AKT3: variants seen among roughly 807,000 people sequenced by gnomAD.
AKT3 encodes RAC-gamma serine/threonine-protein kinase.
AKT3 carries 15 observed loss-of-function variants against 65.3 expected under a neutral mutation model. The ratio of observed to expected loss-of-function variants is 0.23; its 90% confidence interval spans 0.15 to 0.35. AKT3 has a LOEUF of 0.35. Among genes scored for constraint, AKT3 ranks in the 10% least tolerant of loss-of-function variants. The pLI is 1.00. For missense variants in AKT3, 243 were observed against 576.5 expected (o/e 0.42, Z 5.92); for synonymous variants, 206 against 183.8 (o/e 1.12, Z -0.98).
intron 8 of AKT3, among the ~76,000 whole-genome samples, chr1:243,579,998 G>T (rs965215500): frequency 6.6e-6 from 1 of 152,102 alleles, no homozygotes. Context: ...AGATGAAGAA[G>T]AATTTTCTAA....
At chr1:243,761,261 C>CTATACAAATGTCTATACAAACTATACAA (rs1386627816) in intron 2 of AKT3, among the ~76,000 whole-genome samples, 1 of 152,054 alleles carries the variant, frequency 6.6e-6, no homozygotes, top group African/African-American at 2.4e-5. Context: ...ATACAAGAGA[C>CTATACAAATGTCTATACAAACTATACAA]ATGTCTAATT....
At position 243,505,080 on chromosome 1, in the gene AKT3, G is replaced by A; in HGVS notation, c.*169C>T. ...AACAAAAACTGGAGTGTATTTGCGT[G>A]TATGTGTGTTTTCATGAGGGTGAAA... On this transcript the variant is annotated 3_prime_UTR_variant, in exon 14 of 14. Transcript: ENST00000673466. The A allele has an allele frequency of 1.7e-6, 1 of 601,150 alleles. No homozygotes were observed. The allele number at this position is 601,150 out of a possible 1,614,324, so 37.2% of individuals were successfully genotyped here. A position where few individuals can be genotyped will look rare whatever the true frequency, so the allele number is the denominator to read the frequency against.
At chr1:243,845,912 T>C (rs974186100) in intron 1 of AKT3, among the ~76,000 whole-genome samples, 7 of 152,110 alleles carry the variant, frequency 4.6e-5, no homozygotes, top group African/African-American at 1.7e-4. Flanking sequence ...AGTGATGCTG[T>C]ATAAGGTCAC....
At chr1:243,694,319 A>C (rs1472312700) in intron 3 of AKT3, among the ~76,000 whole-genome samples, 1 of 152,134 alleles carries the variant, frequency 6.6e-6, no homozygotes, top group Non-Finnish European at 1.5e-5. Context: ...TAAAATGAAA[A>C]TCTGTTCTTA....
intron 1 of AKT3, among the ~76,000 whole-genome samples, chr1:243,848,631 A>T (rs1695615207): frequency 6.6e-6 from 1 of 152,228 alleles, no homozygotes; most frequent in South Asian, 2.1e-4. Context: ...GTATAGTTCT[A>T]CTAAAAGACA....
chr1:243,662,451 C>T lies in AKT3; in HGVS notation c.284+2321G>A, dbSNP rs953612392. On this transcript the variant is annotated intron_variant, in intron 4 of 13. Coordinates refer to ENST00000673466, the MANE Select transcript of AKT3 (RefSeq NM_005465.7). ...AATCATCATTCTCAGTAAACTATCG[C>T]AAGGACAAAAAACCAAACACCACAT... is the stretch of plus-strand genomic sequence containing the variant. Among the ~76,000 whole-genome samples the T allele has an allele frequency of 4.0e-5, 6 of 150,184 alleles. No individual in the cohort carries two copies. In the East Asian group the frequency reaches 5.9e-4, roughly 15 times the overall value.
At chr1:243,640,043 T>C (rs1680256833) in intron 5 of AKT3, among the ~76,000 whole-genome samples, 1 of 152,360 alleles carries the variant, frequency 6.6e-6, no homozygotes, top group East Asian at 1.9e-4. Context: ...CAACATTTTT[T>C]GCTGCTCATA....
rs184827213 is a variant in AKT3 at position 243,706,503 on chromosome 1, C to G, written c.47-10787G>C. On this transcript the variant is annotated intron_variant, in intron 2 of 13. Transcript: ENST00000673466. Reference sequence around the variant, plus strand: ...CTCTACAGAATAAAAACTAATAGGACTTTATCTTAGACTCTTACCAAGGAG... The same window carrying G: ...CTCTACAGAATAAAAACTAATAGGAGTTTATCTTAGACTCTTACCAAGGAG... 2.3e-3 allele frequency among the ~76,000 whole-genome samples: 348 copies of G among 152,324 alleles called. 1 individual carries two copies. The highest frequency in any genetic ancestry group is 4.3e-3 in the Non-Finnish European group (290 of 68,028).
At chr1:243,686,652 T>TATATATATA (rs373666457) in intron 3 of AKT3, among the ~76,000 whole-genome samples, 3 of 12,656 alleles carry the variant, frequency 2.4e-4, no homozygotes, top group Admixed American at 1.6e-3. Context: ...TATATATATA[T>TATATATATA]TTTTTTTTTT....
chr1:243,849,247 A>G (rs1572451827), intron 1 of AKT3, among the ~76,000 whole-genome samples: 2 of 152,038 alleles, frequency 1.3e-5, no homozygotes. Flanking sequence ...CGCCGCCGCC[A>G]GCAGCGACAG....
In AKT3 at chr1:243,761,947, T is replaced by A. The variant is rs140098490; in HGVS notation, c.47-66231A>T. On this transcript the variant is annotated intron_variant, in intron 2 of 13. Coordinates refer to ENST00000673466, the MANE Select transcript of AKT3 (RefSeq NM_005465.7). ...ACGTTGCACTGTCACTAATCCAAACTGAGTACCTCATAAGAAATTGGGATG... is the reference window on the plus strand; with the variant it reads ...ACGTTGCACTGTCACTAATCCAAACAGAGTACCTCATAAGAAATTGGGATG... Among the ~76,000 whole-genome samples the A allele has an allele frequency of 1.3e-3, 202 of 152,238 alleles. 1 individual carries two copies. The highest frequency in any genetic ancestry group is 4.6e-3 in the African/African-American group (191 of 41,572).
intron 3 of AKT3, among the ~76,000 whole-genome samples, chr1:243,674,249 G>A (rs1683349932): frequency 6.6e-6 from 1 of 152,246 alleles, no homozygotes; most frequent in East Asian, 1.9e-4. Flanking sequence ...ACTAAATATT[G>A]CATAGTGCCA....
intron 2 of AKT3, among the ~76,000 whole-genome samples, chr1:243,710,573 C>T (rs941140450): frequency 3.3e-5 from 5 of 152,196 alleles, no homozygotes; most frequent in Admixed American, 6.5e-5. Context: ...CCAGGTACAA[C>T]AACCCTTGAC....
intron 2 of AKT3, among the ~76,000 whole-genome samples, chr1:243,823,508 T>C (rs1402356290): frequency 2.6e-5 from 4 of 152,206 alleles, no homozygotes; most frequent in Non-Finnish European, 5.9e-5. Flanking sequence ...CATGACCCTA[T>C]ATCTGGAAAA....
At chr1:243,588,535 A>G (rs566106372) in intron 8 of AKT3, among the ~76,000 whole-genome samples, 4 of 152,340 alleles carry the variant, frequency 2.6e-5, no homozygotes, top group African/African-American at 9.6e-5. Context: ...CTCACGTAAA[A>G]CTCAAATTAT....
At chr1:243,805,124 T>C (rs1345704393) in intron 2 of AKT3, among the ~76,000 whole-genome samples, 2 of 152,188 alleles carry the variant, frequency 1.3e-5, no homozygotes, top group African/African-American at 4.8e-5. Flanking sequence ...TCTAAAACCG[T>C]GATGATTCTG....
intron 2 of AKT3, among the ~76,000 whole-genome samples, chr1:243,726,069 A>T (rs1380411557): frequency 8.0e-6 from 1 of 125,248 alleles, no homozygotes; most frequent in Non-Finnish European, 1.7e-5. Flanking sequence ...CATACCTCCA[A>T]CATTAATGTC....
In AKT3 at chr1:243,518,609, A is replaced by T. The variant is rs1371884304; in HGVS notation, c.1252-6183T>A. On this transcript the variant is annotated intron_variant, in intron 12 of 13. Coordinates refer to ENST00000673466, the MANE Select transcript of AKT3 (RefSeq NM_005465.7). ...CATTGCACTCCAGCCTGGGTGACAG[A>T]GCAAGACCTCGTCAAACAACAAAAA... is the stretch of plus-strand genomic sequence containing the variant. 5.3e-5 allele frequency among the ~76,000 whole-genome samples: 8 copies of T among 152,296 alleles called. No individual in the cohort carries two copies. In the East Asian group the frequency reaches 1.5e-3, roughly 29 times the overall value.
intron 10 of AKT3, among the ~76,000 whole-genome samples, chr1:243,556,480 C>T (rs1030299289): frequency 2.6e-5 from 4 of 152,178 alleles, no homozygotes; most frequent in East Asian, 1.9e-4. Context: ...AGCTTGCCCA[C>T]CAGGCCACAC....
Sources: allele counts gnomAD v4.1 joint callset (sites outside exome capture counted in the v4.1 genomes callset), GRCh38; gene constraint gnomAD v4.1.1; transcripts MANE v1.5; gene names NCBI Gene and HGNC (gene_info 2026-07-23, HGNC 2026-07-21).